Variants in SV2B observed in about 807,000 individuals in gnomAD.
The protein encoded by SV2B is solute carrier family 22 member B2.
Under a neutral mutation model 73.9 loss-of-function variants are expected in SV2B, and 41 were observed. The ratio of observed to expected loss-of-function variants is 0.56; its 90% CI spans 0.43 to 0.72. SV2B has a LOEUF of 0.72. SV2B is among the 30% of genes least tolerant of loss of function. The probability of loss-of-function intolerance (pLI) is 0.00; values close to 1 mark genes in which losing one functional copy is unlikely to be tolerated. For missense variants in SV2B, 764 were observed against 857.8 expected (o/e 0.89, Z 1.37); for synonymous variants, 314 against 314.2 (o/e 1.00, Z 0.01).
chr15:91,282,576 C>T (rs2048717732), intron 10 of SV2B, among the ~76,000 whole-genome samples: 1 of 152,054 alleles, frequency 6.6e-6, no homozygotes, highest in Admixed American at 6.5e-5. Context: ...GCTAAGGAAA[C>T]TGAGTTAAGG....
intron 1 of SV2B, among the ~76,000 whole-genome samples, chr15:91,150,989 G>C (rs1416456684): frequency 6.6e-6 from 1 of 152,160 alleles, no homozygotes. Flanking sequence ...CCCCTTACGC[G>C]TGTAGCCTGG....
At chr15:91,217,752 T>C (rs2046082976) in intron 1 of SV2B, among the ~76,000 whole-genome samples, 1 of 152,372 alleles carries the variant, frequency 6.6e-6, no homozygotes, top group African/African-American at 2.4e-5. Context: ...TTGAGTCAGA[T>C]GGCTAGACAC....
At chr15:91,167,375 G>A (rs1839985229) in intron 1 of SV2B, among the ~76,000 whole-genome samples, 1 of 151,994 alleles carries the variant, frequency 6.6e-6, no homozygotes, top group Non-Finnish European at 1.5e-5. Context: ...CTTGGTTTAA[G>A]GCAAATTTAT....
At position 91,130,454 on chromosome 15, in the gene SV2B, A is replaced by G. The variant is rs1380049636; in HGVS notation, c.-392+30091A>G. ...AAGCAGAAAATCTCATGCTAGAACC[A>G]TAGAGAAGATTTGCATTGAAAATGG... On this transcript the variant is annotated intron_variant, in intron 1 of 12. Coordinates refer to ENST00000394232, the MANE Select transcript of SV2B (RefSeq NM_001323032.3). The surrounding 1 kb of genome is among the most constrained non-coding windows in gnomAD (Gnocchi z 5.6). 2.0e-5 allele frequency among the ~76,000 whole-genome samples: 3 copies of G among 152,186 alleles called. No homozygotes were observed. The highest frequency in any genetic ancestry group is 4.4e-5 in the Non-Finnish European group (3 of 68,034).
intron 1 of SV2B, among the ~76,000 whole-genome samples, chr15:91,125,798 A>AAAAAAAAAAAAAAAAAAAAAAAAATT (rs1567271927): frequency 6.6e-6 from 1 of 150,974 alleles, no homozygotes; most frequent in Non-Finnish European, 1.5e-5. Context: ...AAAAAAAAAA[A>AAAAAAAAAAAAAAAAAAAAAAAAATT]AATTCAGTCA....
chr15:91,250,366 C>T (rs1303709772), intron 2 of SV2B, among the ~76,000 whole-genome samples: 1 of 152,112 alleles, frequency 6.6e-6, no homozygotes, highest in Non-Finnish European at 1.5e-5. Context: ...CCACATATGG[C>T]AAGCCCACAA....
chr15:91,158,702 TCCTCTCCTCTCC>T (rs2043593212), intron 1 of SV2B, among the ~76,000 whole-genome samples: 5 of 59,618 alleles, frequency 8.4e-5, no homozygotes, highest in African/African-American at 2.1e-4. Flanking sequence ...TTCTCTTCTC[TCCTCTCCTCTCC>T]TCTCCTCTCC....
At chr15:91,155,788 G>A (rs1161193274) in intron 1 of SV2B, among the ~76,000 whole-genome samples, 2 of 152,152 alleles carry the variant, frequency 1.3e-5, no homozygotes, top group African/African-American at 4.8e-5. Flanking sequence ...AAAACTAGAA[G>A]GATCAGATCT....
In SV2B at chr15:91,220,135, G is replaced by A. The variant is rs80050836; in HGVS notation, c.-391-5738G>A. Among the ~76,000 whole-genome samples the A allele has an allele frequency of 0.011, 1,658 of 152,274 alleles. 42 individuals are homozygous for A. The East Asian group carries it at 0.11, about 11-fold the overall frequency. ...TTATCTTGGGTAGATTCTCAGAATG[G>A]AACTGCTGGGTTATTTGGTAAGTGT... is the stretch of plus-strand genomic sequence containing the variant. On this transcript the variant is annotated intron_variant, in intron 1 of 12. Transcript: ENST00000394232. This position sits in a 1 kb window ranked among gnomAD's most constrained non-coding sequence, Gnocchi z 4.1.
intron 1 of SV2B, among the ~76,000 whole-genome samples, chr15:91,148,061 A>C (rs2043199854): frequency 7.6e-6 from 1 of 131,660 alleles, no homozygotes; most frequent in Non-Finnish European, 1.5e-5. Flanking sequence ...GCTCACTGCA[A>C]CTTCCGCCTC....
chr15:91,201,662 C>T (rs1026687050), intron 1 of SV2B, among the ~76,000 whole-genome samples: 3 of 152,214 alleles, frequency 2.0e-5, no homozygotes, highest in African/African-American at 7.2e-5. Flanking sequence ...CAAATCCATC[C>T]TTCCAACTGC....
At chr15:91,193,820 G>A (rs1237718561) in intron 1 of SV2B, among the ~76,000 whole-genome samples, 1 of 152,056 alleles carries the variant, frequency 6.6e-6, no homozygotes, top group Non-Finnish European at 1.5e-5. Context: ...ATTGTCTCAG[G>A]GACAGCAGTC....
At chr15:91,272,979 C>T (rs187554815) in intron 9 of SV2B, among the ~76,000 whole-genome samples, 2 of 151,720 alleles carry the variant, frequency 1.3e-5, no homozygotes, top group South Asian at 2.1e-4. Flanking sequence ...ATTACAGGCG[C>T]GTGCCACCAT....
intron 1 of SV2B, among the ~76,000 whole-genome samples, chr15:91,156,229 C>T (rs1048119454): frequency 6.6e-6 from 1 of 152,034 alleles, no homozygotes; most frequent in Admixed American, 6.6e-5. Context: ...ATTCTCTGTG[C>T]CAAATTGTAA....
In SV2B at chr15:91,139,355, A is replaced by T. The variant is rs932918825; in HGVS notation, c.-392+38992A>T. ...TTTCCACAATAAAATGTTAAAAAAA[A>T]AGAAGTAAGGGAAACTTCCAAGGAA... On this transcript the variant is annotated intron_variant, in intron 1 of 12. Transcript: ENST00000394232. This position sits in a 1 kb window ranked among gnomAD's most constrained non-coding sequence, Gnocchi z 5.2. Among the ~76,000 whole-genome samples the T allele has an allele frequency of 6.6e-6, 1 of 152,152 alleles. No individual in the cohort carries two copies. The highest frequency in any genetic ancestry group is 1.5e-5 in the Non-Finnish European group (1 of 68,018).
At chr15:91,237,307 A>G (rs542354626) in intron 2 of SV2B, among the ~76,000 whole-genome samples, 1 of 152,238 alleles carries the variant, frequency 6.6e-6, no homozygotes, top group South Asian at 2.1e-4. Flanking sequence ...CCATTGTAGG[A>G]TGCCTAGCAG....
intron 6 of SV2B, among the ~76,000 whole-genome samples, chr15:91,263,653 C>G (rs2048004509): frequency 1.3e-5 from 2 of 151,582 alleles, no homozygotes; most frequent in Admixed American, 1.3e-4. Context: ...GACAAACACA[C>G]AGACACAGGC....
rs144300406 is a variant in SV2B, at chr15:91,237,940, G to A, written c.451+11226G>A. ...AATGACTCTGTGAGATGAGTAGAGTGATAGTCTGTATTTATGCAATGAGGG... is the reference window on the plus strand; with the variant it reads ...AATGACTCTGTGAGATGAGTAGAGTAATAGTCTGTATTTATGCAATGAGGG... On this transcript the variant is annotated intron_variant, in intron 2 of 12. Transcript: ENST00000394232. Among the ~76,000 whole-genome samples, 65 of 152,320 alleles carry A rather than the reference G, an allele frequency of 4.3e-4. No individual in the cohort carries two copies. In the East Asian group the frequency reaches 0.011, roughly 27 times the overall value.
intron 1 of SV2B, among the ~76,000 whole-genome samples, chr15:91,161,637 A>G (rs1291543712): frequency 1.3e-5 from 2 of 152,302 alleles, no homozygotes; most frequent in East Asian, 3.9e-4. Flanking sequence ...CGTTTTAGGG[A>G]GGGAGGGGAG....
Sources: gnomAD v4.1 joint callset for allele counts (sites outside exome capture counted in the v4.1 genomes callset) on GRCh38, gnomAD v4.1.1 for gene constraint, Gnocchi (gnomAD v3.1) non-coding constraint, MANE v1.5 for transcripts, NCBI Gene and HGNC (gene_info 2026-07-23, HGNC 2026-07-21) for gene names.